Variants in MXD1 observed in about 807,000 individuals in gnomAD.
The protein encoded by MXD1 is MAX-binding protein.
MXD1 carries 9 observed loss-of-function variants against 25.7 expected under a neutral mutation model. That is an observed-to-expected ratio of 0.35 (90% CI 0.21 to 0.61). The LOEUF is 0.61. Among genes scored for constraint, MXD1 ranks in the 20% least tolerant of loss-of-function variants. MXD1 has a pLI of 0.75. For synonymous variants in MXD1, 99 were observed against 113.9 expected, an observed-to-expected ratio of 0.87 and a Z score of 0.83; for missense variants, 227 against 292.4, an observed-to-expected ratio of 0.78 and a Z score of 1.63.
chr2:69,919,287 C>A (rs893058005), intron 2 of MXD1, among the ~76,000 whole-genome samples: 13 of 152,186 alleles, frequency 8.5e-5, no homozygotes, highest in Admixed American at 2.6e-4. Context: ...TGGTCCTTGT[C>A]TACAGTTAAA....
rs1677574597 is a variant in MXD1 at position 69,940,650 on chromosome 2, C to T, written c.*2366C>T. ...AAACAGTAATTATTTGACCTTTGCA[C>T]TGTTTGTCTGGTCCTTTTCAGTTTG... is the stretch of plus-strand genomic sequence containing the variant. On this transcript the variant is annotated 3_prime_UTR_variant, in exon 6 of 6. Transcript: ENST00000264444. 6.6e-6 allele frequency: 1 copy of T among 152,660 alleles called. No homozygotes were observed. The highest frequency in any genetic ancestry group is 2.1e-4 in the South Asian group (1 of 4,832). The allele number at this position is 152,660 out of a possible 1,614,324, so 9.5% of individuals were successfully genotyped here.
intron 3 of MXD1, among the ~76,000 whole-genome samples, chr2:69,927,229 T>C (rs1677187743): frequency 6.6e-6 from 1 of 152,222 alleles, no homozygotes; most frequent in African/African-American, 2.4e-5. Flanking sequence ...AAGTCCCTTA[T>C]ATGGGAAGGG....
At chr2:69,918,326 C>T (rs76630440) in intron 2 of MXD1, among the ~76,000 whole-genome samples, 278 of 152,254 alleles carry the variant, frequency 1.8e-3, no homozygotes, top group African/African-American at 6.2e-3. Context: ...TAAGATTTTG[C>T]CACATAGGAA....
In MXD1 at chr2:69,937,833, C is replaced by T. The variant is rs577715908; in HGVS notation, c.479-264C>T. Among the ~76,000 whole-genome samples, 4 of 152,254 alleles carry T rather than the reference C, an allele frequency of 2.6e-5. No homozygotes were observed. In the East Asian group the frequency reaches 5.8e-4, roughly 22 times the overall value. The stretch of plus-strand genomic sequence containing the variant: ...TTCACCATATTGGCCAGGCTGGTCT[C>T]GAACTCCTGACCTCAAGTAATTCAC... On this transcript the variant is annotated intron_variant, in intron 5 of 5. Coordinates refer to ENST00000264444, the MANE Select transcript of MXD1 (RefSeq NM_002357.4).
At chr2:69,923,040 C>CAA (rs149259918) in intron 3 of MXD1, among the ~76,000 whole-genome samples, 1 of 129,944 alleles carries the variant, frequency 7.7e-6, no homozygotes. Context: ...TAGTAAACAC[C>CAA]AAAAAAAAAA....
At chr2:69,932,310 A>G (rs138071100) in intron 3 of MXD1, among the ~76,000 whole-genome samples, 2 of 152,080 alleles carry the variant, frequency 1.3e-5, no homozygotes, top group East Asian at 3.9e-4. Flanking sequence ...TTGCTTTTTT[A>G]TCTGGTTCAG....
rs1461923061 is a variant in MXD1, at chr2:69,940,137, GAC to G, written c.*1857_*1858del. 6.8e-6 allele frequency: 1 copy of G among 147,440 alleles called. No individual in the cohort carries two copies. Among genetic ancestry groups the G allele is most frequent in the East Asian group, 2.0e-4 (1 of 5,090 alleles). The allele number at this position is 147,440 out of a possible 1,614,324, so 9.1% of individuals were successfully genotyped here. A position where few individuals can be genotyped will look rare whatever the true frequency, so the allele number is the denominator to read the frequency against. On this transcript the variant is annotated 3_prime_UTR_variant, in exon 6 of 6. Transcript: ENST00000264444. Reference sequence around the variant, plus strand: ...GCTTTGGGTGGGGGGAGGGGCAGGTGACACAAAGGATTTTTTTTTTTTTTTTT... The same window carrying G: ...GCTTTGGGTGGGGGGAGGGGCAGGTGACAAAGGATTTTTTTTTTTTTTTTT...
Position 69,938,512 on chromosome 2 carries a change from C to T in MXD1, c.*228C>T. On this transcript the variant is annotated 3_prime_UTR_variant, in exon 6 of 6. Coordinates refer to ENST00000264444, the MANE Select transcript of MXD1 (RefSeq NM_002357.4). Reference sequence around the variant, plus strand: ...AAAAATTTGTCTCTGAGAGACTATACATTCCAATCAATTTGAAGCATCCAA... The same window carrying T: ...AAAAATTTGTCTCTGAGAGACTATATATTCCAATCAATTTGAAGCATCCAA... The T allele has an allele frequency of 4.0e-6, 2 of 498,536 alleles. No homozygotes were observed. Among genetic ancestry groups the T allele is most frequent in the Non-Finnish European group, 7.2e-6 (2 of 278,588 alleles). 30.9% of individuals were successfully genotyped at this position (498,536 alleles called of 1,614,324 possible).
rs937686004 is a variant in MXD1 at position 69,942,555 on chromosome 2, TTCTC to T, written c.*4275_*4278del. 6 of 152,220 alleles carry T rather than the reference TTCTC, an allele frequency of 3.9e-5. No homozygotes were observed. The highest frequency in any genetic ancestry group is 1.4e-4 in the African/African-American group (6 of 41,460). 9.4% of individuals were successfully genotyped at this position (152,220 alleles called of 1,614,324 possible). Reference sequence around the variant, plus strand: ...ATCCAGATTTTTACATTTTGATTTCTTCTCTCTGTGGGGTGGCAAGTTGAGGGAG... The same window carrying T: ...ATCCAGATTTTTACATTTTGATTTCTTCTGTGGGGTGGCAAGTTGAGGGAG... On this transcript the variant is annotated 3_prime_UTR_variant, in exon 6 of 6. Coordinates refer to ENST00000264444, the MANE Select transcript of MXD1 (RefSeq NM_002357.4).
rs112375614 is a variant in MXD1 at position 69,940,915 on chromosome 2, A to C, written c.*2631A>C. The C allele has an allele frequency of 6.6e-6, 1 of 152,626 alleles. No homozygotes were observed. Among genetic ancestry groups the C allele is most frequent in the Non-Finnish European group, 1.5e-5 (1 of 68,062 alleles). 9.5% of individuals were successfully genotyped at this position (152,626 alleles called of 1,614,324 possible). ...GGCTGATCGGCAGCCCTGATTCGCC[A>C]ATTTGTCCTCTCTCATTCACTGATC... On this transcript the variant is annotated 3_prime_UTR_variant, in exon 6 of 6. Coordinates refer to ENST00000264444, the MANE Select transcript of MXD1 (RefSeq NM_002357.4).
intron 3 of MXD1, among the ~76,000 whole-genome samples, chr2:69,928,861 G>A (rs1444611652): frequency 6.6e-6 from 1 of 152,128 alleles, no homozygotes; most frequent in East Asian, 1.9e-4. Flanking sequence ...AATATAGCCT[G>A]GGACCTAAGA....
At chr2:69,930,155 C>T (rs997175313) in intron 3 of MXD1, among the ~76,000 whole-genome samples, 1 of 152,064 alleles carries the variant, frequency 6.6e-6, no homozygotes, top group Non-Finnish European at 1.5e-5. Flanking sequence ...TTCATTTACT[C>T]AATTTTCTTG....
chr2:69,936,738 T>C (rs1677453314), intron 4 of MXD1, among the ~76,000 whole-genome samples: 1 of 152,226 alleles, frequency 6.6e-6, no homozygotes, highest in Non-Finnish European at 1.5e-5. Context: ...GGGACTATTA[T>C]TTCCTGCTAA....
At position 69,940,255 on chromosome 2, in the gene MXD1, G is replaced by T. The variant is rs1251636505; in HGVS notation, c.*1971G>T. The T allele has an allele frequency of 2.6e-5, 4 of 151,748 alleles. No homozygotes were observed. The highest frequency in any genetic ancestry group is 2.9e-5 in the Non-Finnish European group (2 of 67,984). The allele number at this position is 151,748 out of a possible 1,614,324, so 9.4% of individuals were successfully genotyped here. A position where few individuals can be genotyped will look rare whatever the true frequency, so the allele number is the denominator to read the frequency against. ...TTGCATTTTTAAAGCCTGCTTCCTG[G>T]ATTTAAGCAGAGTGATAGTGTTCAA... is the stretch of plus-strand genomic sequence containing the variant. On this transcript the variant is annotated 3_prime_UTR_variant, in exon 6 of 6. Coordinates refer to ENST00000264444, the MANE Select transcript of MXD1 (RefSeq NM_002357.4).
In MXD1 at chr2:69,938,915, C is replaced by A. The variant is rs1677527147; in HGVS notation, c.*631C>A. 1.3e-5 allele frequency: 2 copies of A among 152,714 alleles called. No individual in the cohort carries two copies. Among genetic ancestry groups the A allele is most frequent in the Non-Finnish European group, 2.9e-5 (2 of 68,102 alleles). 9.5% of individuals were successfully genotyped at this position (152,714 alleles called of 1,614,324 possible). A position where few individuals can be genotyped will look rare whatever the true frequency, so the allele number is the denominator to read the frequency against. On this transcript the variant is annotated 3_prime_UTR_variant, in exon 6 of 6. Coordinates refer to ENST00000264444, the MANE Select transcript of MXD1 (RefSeq NM_002357.4). ...TAAAATGGACACCTTGATAGTGTGT[C>A]TCTGGGGTTGCACAGCTCATCAAAG...
chr2:69,916,665 G>C (rs1007677283), intron 2 of MXD1, among the ~76,000 whole-genome samples: 1 of 152,152 alleles, frequency 6.6e-6, no homozygotes, highest in Non-Finnish European at 1.5e-5. Flanking sequence ...TAAGTGATAG[G>C]ATCTCATACT....
chr2:69,937,533 C>A, intron 5 of MXD1, 139 bp downstream of exon 5: 1 of 792,166 alleles, frequency 1.3e-6, no homozygotes, highest in Non-Finnish European at 1.9e-6. Flanking sequence ...ACAGTGTGAC[C>A]TCCAGTGACA....
Position 69,919,155 on chromosome 2 carries a change from C to G in MXD1, c.174-2581C>G, listed in dbSNP as rs375138140. On this transcript the variant is annotated intron_variant, in intron 2 of 5. Coordinates refer to ENST00000264444, the MANE Select transcript of MXD1 (RefSeq NM_002357.4). The stretch of plus-strand genomic sequence containing the variant: ...CAGAATTTTGCATAAGTATATAACT[C>G]TATTTATTAGTTTATATATTTTCAA... 7.9e-5 allele frequency among the ~76,000 whole-genome samples: 12 copies of G among 152,172 alleles called. No homozygotes were observed. In the South Asian group the frequency reaches 2.5e-3, roughly 32 times the overall value.
Position 69,941,435 on chromosome 2 carries a change from T to G in MXD1, c.*3151T>G, listed in dbSNP as rs1198950747. ...TGTAGTCACACACCTAATGCTAGTT[T>G]AGTGATTCAAAATGCATCACATTTT... On this transcript the variant is annotated 3_prime_UTR_variant, in exon 6 of 6. Coordinates refer to ENST00000264444, the MANE Select transcript of MXD1 (RefSeq NM_002357.4). The G allele has an allele frequency of 1.3e-5, 2 of 152,240 alleles. No homozygotes were observed. Among genetic ancestry groups the G allele is most frequent in the African/African-American group, 4.8e-5 (2 of 41,464 alleles). The allele number at this position is 152,240 out of a possible 1,614,324, so 9.4% of individuals were successfully genotyped here. A position where few individuals can be genotyped will look rare whatever the true frequency, so the allele number is the denominator to read the frequency against.
Sources: gnomAD v4.1 joint callset for allele counts (sites outside exome capture counted in the v4.1 genomes callset) on GRCh38, gnomAD v4.1.1 for gene constraint, MANE v1.5 for transcripts, NCBI Gene and HGNC (gene_info 2026-07-23, HGNC 2026-07-21) for gene names.